The following AP4S1 variants were observed in gnomAD, a reference collection of about 807,000 sequenced individuals.
The protein encoded by AP4S1 is AP-4 complex subunit sigma-1.
AP4S1 carries 23 observed loss-of-function variants against 19.8 expected under a neutral mutation model. The ratio of observed to expected loss-of-function variants is 1.16; its 90% CI spans 0.84 to 1.65. AP4S1 has a LOEUF of 1.65. Among genes scored for constraint, AP4S1 ranks in the 40% most tolerant of loss-of-function variants. The probability of loss-of-function intolerance (pLI) is 0.00; values close to 1 mark genes in which losing one functional copy is unlikely to be tolerated. For missense variants in AP4S1, 166 were observed against 172.8 expected, an observed-to-expected ratio of 0.96 and a Z score of 0.22; for synonymous variants, 46 against 54.1, an observed-to-expected ratio of 0.85 and a Z score of 0.66.
chr14:31,090,504 C>A (rs1330331887), intron 5 of AP4S1, among the ~76,000 whole-genome samples: 1 of 152,158 alleles, frequency 6.6e-6, no homozygotes, highest in Non-Finnish European at 1.5e-5. Flanking sequence ...AAACAAGTTG[C>A]CTGAGGATCT....
chr14:31,080,744 T>C, intron 5 of AP4S1, 160 bp downstream of exon 5: 1 of 1,005,624 alleles, frequency 9.9e-7, no homozygotes, highest in Non-Finnish European at 1.6e-6. Flanking sequence ...TCTGCAGAAC[T>C]CCTCCCCAAC....
Position 31,072,903 on chromosome 14 carries a change from A to G in AP4S1, c.226-2A>G, listed in dbSNP as rs2139067616. ...GATTGTACCTTTCTTCTTTTATTGT[A>G]GAACGAGATGGCTATTTATGAATTC... On this transcript the variant is annotated splice_acceptor_variant, in intron 3 of 5. Transcript: ENST00000542754. LOFTEE classifies it high-confidence loss of function. 1.9e-6 allele frequency: 3 copies of G among 1,611,716 alleles called. No homozygotes were observed. The highest frequency in any genetic ancestry group is 2.5e-6 in the Non-Finnish European group (3 of 1,177,906).
intron 1 of AP4S1, among the ~76,000 whole-genome samples, chr14:31,040,943 G>A (rs949612091): frequency 3.3e-5 from 5 of 151,426 alleles, no homozygotes; most frequent in Admixed American, 1.3e-4. Flanking sequence ...GCATGGTGGC[G>A]GGTGCCTGTA....
At chr14:31,060,562 G>T (rs1343067815) in intron 1 of AP4S1, among the ~76,000 whole-genome samples, 6 of 152,182 alleles carry the variant, frequency 3.9e-5, no homozygotes, top group Non-Finnish European at 7.3e-5. Flanking sequence ...CTTGAGCCAG[G>T]TCTGTCTTAC....
intron 4 of AP4S1, among the ~76,000 whole-genome samples, chr14:31,080,040 T>C (rs1887557818): frequency 6.6e-6 from 1 of 152,184 alleles, no homozygotes; most frequent in Admixed American, 6.5e-5. Flanking sequence ...TTTTTAACAA[T>C]ATGTGAGTAC....
intron 1 of AP4S1, among the ~76,000 whole-genome samples, chr14:31,053,115 A>G (rs1885899799): frequency 6.6e-6 from 1 of 151,778 alleles, no homozygotes. Flanking sequence ...TAATTTTTGT[A>G]CTTTTATTAG....
At chr14:31,045,182 G>C (rs749400155) in intron 1 of AP4S1, among the ~76,000 whole-genome samples, 2 of 152,170 alleles carry the variant, frequency 1.3e-5, no homozygotes, top group African/African-American at 4.8e-5. Flanking sequence ...GATTGCAGGC[G>C]TGAGCCACCA....
chr14:31,025,432 G>T (rs928886891), upstream of AP4S1: 13 of 161,532 alleles, frequency 8.0e-5, 1 homozygote, highest in South Asian at 5.6e-4. Flanking sequence ...GAGGGAGGGG[G>T]CCAGATACGC....
At chr14:31,032,071 CAA>C (rs71905676) in intron 1 of AP4S1, among the ~76,000 whole-genome samples, 21 of 110,628 alleles carry the variant, frequency 1.9e-4, no homozygotes, top group Non-Finnish European at 3.1e-4. Flanking sequence ...GACCTTGTCC[CAA>C]AAAAAAAAAA....
intron 3 of AP4S1, among the ~76,000 whole-genome samples, chr14:31,070,243 C>T (rs1886930558): frequency 6.6e-6 from 1 of 152,102 alleles, no homozygotes; most frequent in South Asian, 2.1e-4. Flanking sequence ...CCGCCTGCCT[C>T]AGACTCCCAA....
chr14:31,085,140 C>T, intron 5 of AP4S1: 7 of 1,266,450 alleles, frequency 5.5e-6, no homozygotes, highest in Non-Finnish European at 7.0e-6. Flanking sequence ...TCTGCTTCGC[C>T]AGCACCCTTT....
chr14:31,034,680 T>C (rs753019569), intron 1 of AP4S1, among the ~76,000 whole-genome samples: 72 of 147,934 alleles, frequency 4.9e-4, no homozygotes, highest in Non-Finnish European at 8.6e-4. Flanking sequence ...TGCAGTGGTG[T>C]GGTCTCGGCT....
chr14:31,046,845 C>CAAA (rs577536911), intron 1 of AP4S1, among the ~76,000 whole-genome samples: 9 of 60,968 alleles, frequency 1.5e-4, no homozygotes, highest in Non-Finnish European at 2.3e-4. Context: ...GACTCCGTCT[C>CAAA]AAAAAAAAAA....
intron 1 of AP4S1, among the ~76,000 whole-genome samples, chr14:31,040,100 G>A (rs2139445933): frequency 6.6e-6 from 1 of 150,626 alleles, no homozygotes; most frequent in South Asian, 2.1e-4. Flanking sequence ...TAGTCTACCA[G>A]TCAACTTGTC....
chr14:31,038,511 G>A (rs1400411302), intron 1 of AP4S1, among the ~76,000 whole-genome samples: 1 of 152,130 alleles, frequency 6.6e-6, no homozygotes, highest in Non-Finnish European at 1.5e-5. Context: ...GGATTTAAAC[G>A]AGCGAATGGG....
chr14:31,058,546 T>TGTG (rs1886258442), intron 1 of AP4S1, among the ~76,000 whole-genome samples: 1 of 44,788 alleles, frequency 2.2e-5, no homozygotes, highest in Non-Finnish European at 5.5e-5. Context: ...TGTGTGTGTG[T>TGTG]GTGTGTGTGT....
Position 31,048,266 on chromosome 14 carries a change from T to A in AP4S1, c.-71-17860T>A, listed in dbSNP as rs116930121. Among the ~76,000 whole-genome samples, 137 of 151,760 alleles carry A rather than the reference T, an allele frequency of 9.0e-4. No homozygotes were observed. In the East Asian group the frequency reaches 0.017, roughly 19 times the overall value. On this transcript the variant is annotated intron_variant, in intron 1 of 5. Transcript: ENST00000542754. ...CCACCACCACACCTGGCTAACTTTTTGTATTTTGTATTTTTAGTAGAAACG... is the reference window on the plus strand; with the variant it reads ...CCACCACCACACCTGGCTAACTTTTAGTATTTTGTATTTTTAGTAGAAACG...
intron 1 of AP4S1, chr14:31,026,367 C>G: frequency 1.9e-6 from 1 of 520,310 alleles, no homozygotes; most frequent in Non-Finnish European, 3.1e-6. Context: ...CCATTACAAT[C>G]CCTCCTCCAT....
chr14:31,081,760 G>A (rs1026679574), intron 5 of AP4S1, among the ~76,000 whole-genome samples: 9 of 151,392 alleles, frequency 5.9e-5, no homozygotes, highest in South Asian at 2.1e-4. Context: ...GTGTGTGTAC[G>A]TGCACAAACA....
Sources: allele counts gnomAD v4.1 joint callset (sites outside exome capture counted in the v4.1 genomes callset), GRCh38; gene constraint gnomAD v4.1.1; transcripts MANE v1.5; gene names NCBI Gene and HGNC (gene_info 2026-07-23, HGNC 2026-07-21).